Variants in ZNF512 observed in about 807,000 individuals in gnomAD.
ZNF512 encodes the protein zinc finger protein 512.
A neutral mutation model predicts 77.5 loss-of-function variants in ZNF512; 25 were observed. The ratio of observed to expected loss-of-function variants is 0.32; its 90% confidence interval spans 0.23 to 0.45. ZNF512 has a LOEUF of 0.45. Among genes scored for constraint, ZNF512 ranks in the 20% least tolerant of loss-of-function variants. The pLI is 1.00. For synonymous variants in ZNF512, 246 were observed against 239.9 expected (o/e 1.03, Z -0.24); for missense variants, 483 against 692.6 (o/e 0.70, Z 3.40).
chr2:27,601,454 T>A lies in ZNF512; in HGVS notation c.669+12T>A. ...ATCATAATAGTTTGGTAAGAGTGTC[T>A]TCTGTCTTTTGTGAGTGTTTGGATG... On this transcript the variant is annotated intron_variant, in intron 7 of 13. Coordinates refer to ENST00000355467, the MANE Select transcript of ZNF512 (RefSeq NM_032434.4). 6.2e-7 allele frequency: 1 copy of A among 1,605,656 alleles called. No homozygotes were observed. The highest frequency in any genetic ancestry group is 2.2e-5 in the East Asian group (1 of 44,828).
In ZNF512 at chr2:27,588,341, A is replaced by T. The variant is rs534091785; in HGVS notation, c.89+4625A>T. 2.0e-5 allele frequency among the ~76,000 whole-genome samples: 3 copies of T among 152,012 alleles called. No homozygotes were observed. The East Asian group carries it at 5.8e-4, about 29-fold the overall frequency. ...TCCGTCTTAAGAAATAATAATAATT[A>T]AAAAAAAGAAACTTTTGCCTCCCTA... On this transcript the variant is annotated intron_variant, in intron 2 of 13. Coordinates refer to ENST00000355467, the MANE Select transcript of ZNF512 (RefSeq NM_032434.4).
At chr2:27,598,772 C>G (rs935520530) in intron 3 of ZNF512, among the ~76,000 whole-genome samples, 3 of 152,092 alleles carry the variant, frequency 2.0e-5, no homozygotes, top group African/African-American at 7.2e-5. Flanking sequence ...GCTAATCTTA[C>G]TCCTCTAGAT....
At chr2:27,612,035 A>G (rs983852089) in intron 10 of ZNF512, among the ~76,000 whole-genome samples, 1 of 152,064 alleles carries the variant, frequency 6.6e-6, no homozygotes, top group East Asian at 1.9e-4. Flanking sequence ...TTCAGTTTCC[A>G]TCGTTTTTTC....
intron 2 of ZNF512, among the ~76,000 whole-genome samples, chr2:27,596,336 C>T (rs1671869026): frequency 6.6e-6 from 1 of 152,196 alleles, no homozygotes; most frequent in Admixed American, 6.5e-5. Context: ...GCCACACATT[C>T]ATGGCTAAGG....
intron 2 of ZNF512, among the ~76,000 whole-genome samples, chr2:27,592,057 T>G (rs1671608854): frequency 6.6e-6 from 1 of 152,094 alleles, no homozygotes; most frequent in South Asian, 2.1e-4. Context: ...TGGCGCAACC[T>G]CTGCTCACTG....
chr2:27,592,050 C>T (rs372846564), intron 2 of ZNF512, among the ~76,000 whole-genome samples: 9 of 152,102 alleles, frequency 5.9e-5, no homozygotes, highest in East Asian at 3.9e-4. Flanking sequence ...AATGCAGTGG[C>T]GCAACCTCTG....
chr2:27,600,609 A>G (rs2148020204), intron 5 of ZNF512, 82 bp from the exon 6 acceptor site: 4 of 1,515,246 alleles, frequency 2.6e-6, no homozygotes, highest in South Asian at 1.3e-5. Flanking sequence ...ATTTTATGAT[A>G]CTTTTCCTAA....
chr2:27,603,586 G>GTGTGTGTGTGTGTGTGTGTGTGTATATA (rs140043162), intron 9 of ZNF512, among the ~76,000 whole-genome samples: 77 of 72,486 alleles, frequency 1.1e-3, no homozygotes, highest in African/African-American at 4.2e-3. Context: ...GTGTGTGTGT[G>GTGTGTGTGTGTGTGTGTGTGTGTATATA]TATATTTTTT....
At chr2:27,601,050 T>C (rs1672095429) in intron 6 of ZNF512, among the ~76,000 whole-genome samples, 1 of 152,052 alleles carries the variant, frequency 6.6e-6, no homozygotes, top group Non-Finnish European at 1.5e-5. Context: ...AGAGAAAAAA[T>C]AATAAATACA....
chr2:27,587,872 G>C (rs1671407101), intron 2 of ZNF512, among the ~76,000 whole-genome samples: 1 of 149,584 alleles, frequency 6.7e-6, no homozygotes, highest in Non-Finnish European at 1.5e-5. Context: ...TAGAGACGGG[G>C]TTTCTCCATG....
chr2:27,599,913 A>G, intron 4 of ZNF512, 57 bp from the exon 5 acceptor site: 4 of 1,583,068 alleles, frequency 2.5e-6, no homozygotes, highest in Non-Finnish European at 3.5e-6. Context: ...GAGAGGGAAG[A>G]GATTTTGGTA....
At chr2:27,583,384 GT>G in intron 1 of ZNF512, 1 of 1,391,604 alleles carries the variant, frequency 7.2e-7, no homozygotes, top group African/African-American at 1.5e-5. Flanking sequence ...CATCCCCAAT[GT>G]CTCTCATATC....
chr2:27,594,334 C>G (rs988962902), intron 2 of ZNF512, among the ~76,000 whole-genome samples: 1 of 136,744 alleles, frequency 7.3e-6, no homozygotes, highest in South Asian at 2.5e-4. Context: ...ACCTCCTAAA[C>G]GGGGTGGCGG....
rs757593806 is a variant in ZNF512 at position 27,615,239 on chromosome 2, G to A, written c.1203G>A (p.Lys401=). 1 of 1,605,422 alleles carries A rather than the reference G, an allele frequency of 6.2e-7. No individual in the cohort carries two copies. Residue 401 remains lysine (K), a synonymous_variant, in exon 11 of 14, where the codon AAG becomes AAA. Transcript: ENST00000355467. ...EVLHKWKTDI[K]KYHRIQCPNQ... is the part of the protein sequence containing the mutation. ...TACATAAATGGAAGACAGATATCAA[G>A]AAATATCATCGTATTCAGTGTCCTA... is the stretch of plus-strand genomic sequence containing the variant.
At chr2:27,597,495 T>C (rs1671925349) in intron 2 of ZNF512, among the ~76,000 whole-genome samples, 1 of 152,220 alleles carries the variant, frequency 6.6e-6, no homozygotes, top group Non-Finnish European at 1.5e-5. Context: ...TGGATTCAGC[T>C]GTATACCAGA....
chr2:27,611,627 C>T (rs1241030596), intron 10 of ZNF512, among the ~76,000 whole-genome samples: 1 of 151,862 alleles, frequency 6.6e-6, no homozygotes, highest in East Asian at 1.9e-4. Context: ...ATGGAATATG[C>T]ACATATCCTG....
intron 2 of ZNF512, among the ~76,000 whole-genome samples, chr2:27,589,883 A>G (rs1036331931): frequency 2.6e-5 from 4 of 152,166 alleles, no homozygotes; most frequent in Admixed American, 6.5e-5. Context: ...ATATCTTCCT[A>G]TTATTGACTC....
chr2:27,619,488 A>G (rs1242981059), intron 13 of ZNF512, among the ~76,000 whole-genome samples: 2 of 152,254 alleles, frequency 1.3e-5, no homozygotes, highest in Non-Finnish European at 2.9e-5. Flanking sequence ...AGTTAAAATC[A>G]AAAGAATTGG....
intron 1 of ZNF512, 22 bp from the exon 2 acceptor site, chr2:27,583,636 T>A: frequency 1.9e-6 from 3 of 1,613,800 alleles, no homozygotes; most frequent in Non-Finnish European, 1.7e-6. Flanking sequence ...TAGCACTCAC[T>A]CGTGTGCTTG....
Sources: allele counts gnomAD v4.1 joint callset (sites outside exome capture counted in the v4.1 genomes callset), GRCh38; gene constraint gnomAD v4.1.1; transcripts MANE v1.5; gene names NCBI Gene and HGNC (gene_info 2026-07-23, HGNC 2026-07-21).